The following ZNF541 variants were observed in gnomAD, a reference collection of about 807,000 sequenced individuals.
ZNF541 encodes the protein zinc finger protein 541.
A neutral mutation model predicts 123.5 loss-of-function variants in ZNF541; 23 were observed. That is an observed-to-expected ratio of 0.19 (90% CI 0.13 to 0.26). The LOEUF is 0.26. ZNF541 is among the 10% of genes least tolerant of loss of function. The pLI is 1.00. For synonymous variants in ZNF541, 751 were observed against 754.5 expected (o/e 1.00, Z 0.08); for missense variants, 1,612 against 1,789.9 (o/e 0.90, Z 1.79).
At chr19:47,560,664 AT>A (rs1187913913) in intron 2 of ZNF541, among the ~76,000 whole-genome samples, 1 of 151,856 alleles carries the variant, frequency 6.6e-6, no homozygotes, top group Non-Finnish European at 1.5e-5. Context: ...TGATTGTAAT[AT>A]ATATATGTAT....
chr19:47,568,505 G>T (rs1971353128), intron 2 of ZNF541, among the ~76,000 whole-genome samples: 1 of 151,948 alleles, frequency 6.6e-6, no homozygotes, highest in Non-Finnish European at 1.5e-5. Flanking sequence ...CACCACACCT[G>T]GCTAATTTTT....
chr19:47,543,256 T>C (rs1600001562), intron 5 of ZNF541, among the ~76,000 whole-genome samples: 1 of 151,606 alleles, frequency 6.6e-6, no homozygotes, highest in East Asian at 2.0e-4. Flanking sequence ...TGCACCACCA[T>C]GCCCAACTAA....
chr19:47,552,807 C>T (rs986507172), intron 3 of ZNF541, among the ~76,000 whole-genome samples: 4 of 100,630 alleles, frequency 4.0e-5, no homozygotes, highest in Non-Finnish European at 6.3e-5. Context: ...GAAAACAAAA[C>T]GTTTTTAAAA....
At chr19:47,523,248 T>TCGAA (rs770067276) in intron 14 of ZNF541, among the ~76,000 whole-genome samples, 2 of 147,608 alleles carry the variant, frequency 1.4e-5, no homozygotes, top group Admixed American at 6.8e-5. Context: ...CAGGCTGGTC[T>TCGAA]CGAACTCCTG....
intron 12 of ZNF541, among the ~76,000 whole-genome samples, chr19:47,531,243 G>GTA (rs1568486380): frequency 0.011 from 1,638 of 149,944 alleles, 85 homozygotes; most frequent in African/African-American, 0.038. Context: ...GGGGGGGGGG[G>GTA]GGGGGGTCCT....
intron 9 of ZNF541, among the ~76,000 whole-genome samples, chr19:47,534,184 T>C (rs1174093593): frequency 6.6e-6 from 1 of 152,116 alleles, no homozygotes; most frequent in Non-Finnish European, 1.5e-5. Flanking sequence ...AGGTTTGAGT[T>C]GACAGGAAGA....
At chr19:47,550,294 G>GAGGA (rs926927643) in intron 3 of ZNF541, among the ~76,000 whole-genome samples, 5 of 148,682 alleles carry the variant, frequency 3.4e-5, no homozygotes, top group Admixed American at 6.8e-5. Context: ...AGGAAGGAAG[G>GAGGA]AGGAAGGAAG....
chr19:47,523,446 C>T (rs1030207882), intron 14 of ZNF541, among the ~76,000 whole-genome samples: 10 of 151,740 alleles, frequency 6.6e-5, no homozygotes, highest in African/African-American at 2.4e-4. Flanking sequence ...ACATTCTCCA[C>T]CCAAATGTTT....
intron 2 of ZNF541, among the ~76,000 whole-genome samples, chr19:47,567,458 C>T (rs1027512415): frequency 1.2e-4 from 18 of 152,166 alleles, no homozygotes; most frequent in Admixed American, 2.6e-4. Context: ...GGGGTTTCAC[C>T]ATGTTGGCTA....
chr19:47,571,607 G>C (rs941092348), intron 2 of ZNF541, among the ~76,000 whole-genome samples: 5 of 152,160 alleles, frequency 3.3e-5, no homozygotes, highest in African/African-American at 1.2e-4. Flanking sequence ...CCCTTTACCT[G>C]TGCCTTACCT....
intron 4 of ZNF541, among the ~76,000 whole-genome samples, chr19:47,548,516 C>T: frequency 6.6e-6 from 1 of 151,712 alleles, no homozygotes; most frequent in East Asian, 1.9e-4. Flanking sequence ...TAGAAGCAGG[C>T]GTCTCATCTT....
intron 3 of ZNF541, among the ~76,000 whole-genome samples, chr19:47,549,929 C>G (rs1970524247): frequency 6.6e-6 from 1 of 152,142 alleles, no homozygotes; most frequent in African/African-American, 2.4e-5. Flanking sequence ...AACTGTCATA[C>G]TGCTTTTCCT....
At chr19:47,553,684 G>A (rs1178763183) in intron 3 of ZNF541, among the ~76,000 whole-genome samples, 5 of 151,958 alleles carry the variant, frequency 3.3e-5, no homozygotes, top group East Asian at 1.9e-4. Context: ...GATTACAGGC[G>A]TGAGCCACCA....
chr19:47,549,732 G>C (rs573739970), intron 3 of ZNF541, among the ~76,000 whole-genome samples: 1 of 152,140 alleles, frequency 6.6e-6, no homozygotes, highest in East Asian at 1.9e-4. Context: ...AGAGCAGCAT[G>C]ACCACAATGG....
At chr19:47,571,745 C>G (rs1599754583) in intron 2 of ZNF541, among the ~76,000 whole-genome samples, 151 bp downstream of exon 2, 1 of 152,026 alleles carries the variant, frequency 6.6e-6, no homozygotes, top group Non-Finnish European at 1.5e-5. Flanking sequence ...CAATAAATAG[C>G]CCTTTTCCCT....
At chr19:47,565,951 C>T (rs1382742911) in intron 2 of ZNF541, among the ~76,000 whole-genome samples, 2 of 152,026 alleles carry the variant, frequency 1.3e-5, no homozygotes, top group African/African-American at 2.4e-5. Flanking sequence ...CTGAGGTGTG[C>T]GGATCACTTG....
In ZNF541 at chr19:47,540,930, G is replaced by A; in HGVS notation, c.2425C>T (p.Pro809Ser). ...RIQGGNIYRLPHPVKEENVAG... is the reference protein window; with the variant it reads ...RIQGGNIYRLSHPVKEENVAG... ...ACATTCTCTTCCTTCACCGGATGGG[G>A]GAGCCTGTAGATGTTTCCACCCTGA... The change falls in exon 6 of 17, where the codon CCC becomes TCC. Residue 809 changes from proline (P) to serine (S), a missense_variant. Around this residue, in one of 5 missense-constraint regions of ZNF541, gnomAD observed 1,080 missense variants for 1,013.8 expected, o/e 1.07. Transcript: ENST00000391901. 3 of 1,550,920 alleles carry A rather than the reference G, an allele frequency of 1.9e-6. No homozygotes were observed. Among genetic ancestry groups the A allele is most frequent in the Non-Finnish European group, 2.6e-6 (3 of 1,146,750 alleles).
chr19:47,567,525 G>A (rs924742864), intron 2 of ZNF541, among the ~76,000 whole-genome samples: 9 of 152,234 alleles, frequency 5.9e-5, no homozygotes, highest in African/African-American at 1.9e-4. Flanking sequence ...TTCCCAAAGC[G>A]CTGGGATTAC....
chr19:47,529,420 G>A (rs181041574), intron 13 of ZNF541, among the ~76,000 whole-genome samples, 157 bp downstream of exon 13: 14 of 152,254 alleles, frequency 9.2e-5, no homozygotes, highest in East Asian at 1.9e-4. Context: ...AGAATGTGGC[G>A]CCCACTGAGT....
Sources: allele counts gnomAD v4.1 joint callset (sites outside exome capture counted in the v4.1 genomes callset), GRCh38; gene constraint gnomAD v4.1.1; regional missense constraint gnomAD v4.1.1; transcripts MANE v1.5; gene names NCBI Gene and HGNC (gene_info 2026-07-23, HGNC 2026-07-21).